The following PBX1 variants were observed in gnomAD, a reference collection of about 807,000 sequenced individuals.
The protein encoded by PBX1 is PBX homeobox 1.
Under a neutral mutation model 53.4 loss-of-function variants are expected in PBX1, and 6 were observed. The observed-to-expected ratio is 0.11, with a 90% CI of 0.06 to 0.22. The LOEUF (loss-of-function observed/expected upper bound fraction) is 0.22. Ranked by LOEUF, PBX1 falls within the 10% of genes least tolerant of loss-of-function variation. The pLI is 1.00. For missense variants in PBX1, 251 were observed against 551.4 expected, an observed-to-expected ratio of 0.46 and a Z score of 5.46; for synonymous variants, 204 against 212.3, an observed-to-expected ratio of 0.96 and a Z score of 0.34.
chr1:164,776,981 A>AGGG (rs1667702117), intron 2 of PBX1, among the ~76,000 whole-genome samples: 207 of 14,972 alleles, frequency 0.014, no homozygotes, highest in Admixed American at 0.028. Flanking sequence ...GAGAGAGAGG[A>AGGG]GGTGTGGGGG....
intron 2 of PBX1, among the ~76,000 whole-genome samples, chr1:164,568,353 C>G (rs1653582436): frequency 6.6e-6 from 1 of 151,802 alleles, no homozygotes; most frequent in Non-Finnish European, 1.5e-5. Context: ...AAAAGTTTAC[C>G]AAAGCACCAC....
chr1:164,715,160 GA>G (rs1243812856), intron 2 of PBX1, among the ~76,000 whole-genome samples: 1 of 151,938 alleles, frequency 6.6e-6, no homozygotes, highest in African/African-American at 2.4e-5. Flanking sequence ...GAATGAATAT[GA>G]CTTTTAATTG....
chr1:164,757,576 A>G (rs1292443139), intron 2 of PBX1, among the ~76,000 whole-genome samples: 1 of 152,222 alleles, frequency 6.6e-6, no homozygotes, highest in Non-Finnish European at 1.5e-5. Flanking sequence ...TTAATCATAT[A>G]AATTCTATTA....
intron 2 of PBX1, among the ~76,000 whole-genome samples, chr1:164,670,748 A>G (rs1185112157): frequency 1.4e-5 from 2 of 143,172 alleles, no homozygotes; most frequent in African/African-American, 2.7e-5. Context: ...GAGAGGAAAA[A>G]GAAAGTGATA....
chr1:164,804,925 T>C (rs1669271686), intron 4 of PBX1, among the ~76,000 whole-genome samples: 1 of 152,242 alleles, frequency 6.6e-6, no homozygotes, highest in Non-Finnish European at 1.5e-5. Context: ...ATCTTAGTTT[T>C]GGAAACAGTT....
chr1:164,722,956 G>A (rs186172010), intron 2 of PBX1, among the ~76,000 whole-genome samples: 22 of 152,254 alleles, frequency 1.4e-4, no homozygotes, highest in Non-Finnish European at 2.6e-4. Context: ...CTGGGGGAGA[G>A]TCATCAGATG....
intron 2 of PBX1, among the ~76,000 whole-genome samples, chr1:164,609,355 A>G (rs1306440875): frequency 6.6e-6 from 1 of 152,106 alleles, no homozygotes; most frequent in African/African-American, 2.4e-5. Flanking sequence ...CATGTTAGGC[A>G]CATTTTTTTG....
intron 2 of PBX1, among the ~76,000 whole-genome samples, chr1:164,630,504 C>G (rs533725545): frequency 6.6e-6 from 1 of 152,088 alleles, no homozygotes; most frequent in Non-Finnish European, 1.5e-5. Context: ...TAATATTACA[C>G]TCAATATCAT....
intron 2 of PBX1, among the ~76,000 whole-genome samples, chr1:164,731,924 GA>G (rs1222020348): frequency 6.6e-6 from 1 of 152,132 alleles, no homozygotes; most frequent in East Asian, 1.9e-4. Context: ...AGTGGGATGG[GA>G]GTTCAAAGGT....
chr1:164,607,507 A>C (rs1656636995), intron 2 of PBX1, among the ~76,000 whole-genome samples: 1 of 152,160 alleles, frequency 6.6e-6, no homozygotes, highest in Non-Finnish European at 1.5e-5. Flanking sequence ...GGTTAGAAGG[A>C]GAGAGTTGAC....
chr1:164,648,553 G>C (rs1458473650), intron 2 of PBX1, among the ~76,000 whole-genome samples: 1 of 152,188 alleles, frequency 6.6e-6, no homozygotes, highest in Non-Finnish European at 1.5e-5. Flanking sequence ...AGGACATGGA[G>C]GCCCAGAGAG....
At chr1:164,637,943 A>G (rs1658882643) in intron 2 of PBX1, among the ~76,000 whole-genome samples, 1 of 152,202 alleles carries the variant, frequency 6.6e-6, no homozygotes, top group Non-Finnish European at 1.5e-5. Flanking sequence ...ATCAGGTGCA[A>G]ACTCAAGTAT....
chr1:164,659,924 C>G (rs1257871717), intron 2 of PBX1, among the ~76,000 whole-genome samples: 1 of 152,188 alleles, frequency 6.6e-6, no homozygotes. Flanking sequence ...GCTTATTTTT[C>G]TGAGCTTGAT....
intron 5 of PBX1, among the ~76,000 whole-genome samples, chr1:164,810,977 G>C (rs367735188): frequency 1.1e-3 from 161 of 152,216 alleles, no homozygotes; most frequent in African/African-American, 3.7e-3. Context: ...ATTAAGTATA[G>C]TTTTGCAACA....
At chr1:164,570,975 T>G (rs1653805981) in intron 2 of PBX1, among the ~76,000 whole-genome samples, 1 of 152,232 alleles carries the variant, frequency 6.6e-6, no homozygotes, top group African/African-American at 2.4e-5. Context: ...GAGCTTTTTT[T>G]CATATATGTT....
intron 2 of PBX1, among the ~76,000 whole-genome samples, chr1:164,639,124 G>A (rs1381553179): frequency 6.6e-6 from 1 of 152,222 alleles, no homozygotes; most frequent in African/African-American, 2.4e-5. Context: ...GTAAGGGATA[G>A]CAATATCGGT....
intron 2 of PBX1, among the ~76,000 whole-genome samples, chr1:164,788,646 AT>A (rs951379739): frequency 1.8e-4 from 28 of 151,554 alleles, no homozygotes; most frequent in Admixed American, 2.6e-4. Flanking sequence ...CCTTAAAAAA[AT>A]TTTTTTTGGG....
At position 164,848,317 on chromosome 1, in the gene PBX1, T is replaced by G; in HGVS notation, c.*1641T>G. On this transcript the variant is annotated 3_prime_UTR_variant, in exon 9 of 9. Coordinates refer to ENST00000420696, the MANE Select transcript of PBX1 (RefSeq NM_002585.4). ...ATGGCAGCTCTATCACTTGATTAAG[T>G]GGGAGGTGGTCAAATATTTTGGTGC... The G allele has an allele frequency of 9.5e-7, 1 of 1,057,336 alleles. No individual in the cohort carries two copies. The highest frequency in any genetic ancestry group is 1.1e-6 in the Non-Finnish European group (1 of 874,372). The allele number at this position is 1,057,336 out of a possible 1,614,324, so 65.5% of individuals were successfully genotyped here.
intron 2 of PBX1, among the ~76,000 whole-genome samples, chr1:164,564,773 T>G (rs1653313426): frequency 6.6e-6 from 1 of 151,936 alleles, no homozygotes; most frequent in African/African-American, 2.4e-5. Context: ...CTTTTTAGTT[T>G]CTTTTTTCTA....
Sources: gnomAD v4.1 joint callset for allele counts (sites outside exome capture counted in the v4.1 genomes callset) on GRCh38, gnomAD v4.1.1 for gene constraint, MANE v1.5 for transcripts, NCBI Gene and HGNC (gene_info 2026-07-23, HGNC 2026-07-21) for gene names.